Variants in SHISA6 observed in about 807,000 individuals in gnomAD.
SHISA6 encodes shisa family member 6.
In SHISA6, 22 loss-of-function variants were observed where a neutral mutation model predicts 47.9. The ratio of observed to expected loss-of-function variants is 0.46; its 90% confidence interval spans 0.33 to 0.66. The LOEUF (loss-of-function observed/expected upper bound fraction) is 0.66, where lower values mean the gene tolerates loss of function less well. Among genes scored for constraint, SHISA6 ranks in the 30% least tolerant of loss-of-function variants. SHISA6 has a pLI of 0.02. For synonymous variants in SHISA6, 388 were observed against 337.8 expected (o/e 1.15, Z -1.63); for missense variants, 680 against 764.6 (o/e 0.89, Z 1.30).
In SHISA6 at chr17:11,263,506, G is replaced by T. The variant is rs748761383; in HGVS notation, c.779G>T (p.Arg260Leu). 2 of 1,551,524 alleles carry T rather than the reference G, an allele frequency of 1.3e-6. No homozygotes were observed. ...SSSKNHYTPV[R>L]TAKQTPGHYG... ...TCCAAAAACCACTACACTCCTGTGC[G>T]TACGGCCAAGCAGACTCCAGGTAAG... The change falls in exon 2 of 6, where the codon CGT (arginine) becomes CTT (leucine). Residue 260 changes from arginine to leucine, a missense_variant. This residue lies in a region of SHISA6 where 559 missense variants were observed against 674.1 expected (regional missense o/e 0.83). Coordinates refer to ENST00000441885, the MANE Select transcript of SHISA6 (RefSeq NM_207386.4).
intron 3 of SHISA6, among the ~76,000 whole-genome samples, chr17:11,518,917 T>C (rs957182099): frequency 2.6e-5 from 4 of 152,186 alleles, no homozygotes; most frequent in South Asian, 2.1e-4. Context: ...ACTGAGGAAA[T>C]TGAAGCTGTC....
chr17:11,558,608 T>C lies in SHISA6; in HGVS notation c.*304T>C. 2.5e-6 allele frequency: 1 copy of C among 405,220 alleles called. No homozygotes were observed. The highest frequency in any genetic ancestry group is 3.7e-5 in the South Asian group (1 of 27,264). The allele number at this position is 405,220 out of a possible 1,614,324, so 25.1% of individuals were successfully genotyped here. On this transcript the variant is annotated 3_prime_UTR_variant, in exon 6 of 6. Coordinates refer to ENST00000441885, the MANE Select transcript of SHISA6 (RefSeq NM_207386.4). ...ACCACCTTCACCAACTCCCTTTCCG[T>C]CCCGCGCCTCCTTCTCCCCATCCGG...
At chr17:11,448,355 C>T (rs543302115) in intron 3 of SHISA6, among the ~76,000 whole-genome samples, 50 of 152,012 alleles carry the variant, frequency 3.3e-4, no homozygotes, top group African/African-American at 1.1e-3. Context: ...CATAGTGAGA[C>T]CCTGGCTCTA....
At chr17:11,472,348 C>T (rs1200102017) in intron 3 of SHISA6, among the ~76,000 whole-genome samples, 1 of 152,228 alleles carries the variant, frequency 6.6e-6, no homozygotes, top group Non-Finnish European at 1.5e-5. Context: ...AGGCTCATGC[C>T]ACCACACCTG....
At chr17:11,250,207 C>A (rs377061518) in intron 1 of SHISA6, among the ~76,000 whole-genome samples, 15 of 152,100 alleles carry the variant, frequency 9.9e-5, no homozygotes, top group African/African-American at 1.7e-4. Flanking sequence ...GTAAAAGGAC[C>A]CAGTTTTACG....
chr17:11,549,554 C>T (rs145523856), intron 3 of SHISA6, among the ~76,000 whole-genome samples: 12 of 152,228 alleles, frequency 7.9e-5, no homozygotes, highest in Admixed American at 2.0e-4. Flanking sequence ...ATTGTGAAGA[C>T]GAGTTTTTTT....
At chr17:11,305,470 C>T (rs922713054) in intron 2 of SHISA6, among the ~76,000 whole-genome samples, 6 of 152,154 alleles carry the variant, frequency 3.9e-5, no homozygotes, top group African/African-American at 1.2e-4. Flanking sequence ...GAGAAGGGCC[C>T]GAGTTCAGGT....
chr17:11,327,923 C>CTG (rs1301281210), intron 2 of SHISA6, among the ~76,000 whole-genome samples: 1 of 92,728 alleles, frequency 1.1e-5, no homozygotes, highest in Non-Finnish European at 2.2e-5. Flanking sequence ...CTCTCTCTGT[C>CTG]TCTCTCTCTC....
At chr17:11,309,474 A>C (rs1045584194) in intron 2 of SHISA6, among the ~76,000 whole-genome samples, 28 of 152,216 alleles carry the variant, frequency 1.8e-4, no homozygotes, top group African/African-American at 6.8e-4. Flanking sequence ...TTCTTTTGGA[A>C]GCAGGAAGAT....
intron 1 of SHISA6, among the ~76,000 whole-genome samples, chr17:11,257,678 A>G (rs957747762): frequency 7.3e-5 from 11 of 151,222 alleles, no homozygotes; most frequent in African/African-American, 9.8e-5. Flanking sequence ...AAAAAGAAAA[A>G]AAGAAAAGAA....
chr17:11,485,774 T>A lies in SHISA6; in HGVS notation c.896-66122T>A, dbSNP rs567547243. Reference sequence around the variant, plus strand: ...GCTTTGCCAGCACTTTTTTTTTTTTTTAAATCACTCCTTCTAAATGACTCT... The same window carrying A: ...GCTTTGCCAGCACTTTTTTTTTTTTATAAATCACTCCTTCTAAATGACTCT... On this transcript the variant is annotated intron_variant, in intron 3 of 5. Transcript: ENST00000441885. Among the ~76,000 whole-genome samples the A allele has an allele frequency of 3.4e-3, 477 of 139,078 alleles. 2 individuals are homozygous for A. The highest frequency in any genetic ancestry group is 0.012 in the African/African-American group (456 of 37,142). The allele number at this position is 139,078 out of a possible 152,430, so 91.2% of individuals were successfully genotyped here.
intron 2 of SHISA6, among the ~76,000 whole-genome samples, chr17:11,270,136 C>A (rs1174662983): frequency 1.3e-5 from 2 of 152,124 alleles, no homozygotes; most frequent in African/African-American, 4.8e-5. Context: ...TCACCACCCC[C>A]AGCTAATTTT....
chr17:11,287,886 G>A (rs1369434999), intron 2 of SHISA6, among the ~76,000 whole-genome samples: 1 of 152,088 alleles, frequency 6.6e-6, no homozygotes, highest in African/African-American at 2.4e-5. Flanking sequence ...GTTAGTAACA[G>A]CTTTTTCTTT....
intron 2 of SHISA6, among the ~76,000 whole-genome samples, chr17:11,278,906 G>A (rs1238906574): frequency 1.3e-5 from 2 of 152,210 alleles, no homozygotes; most frequent in African/African-American, 4.8e-5. Context: ...GGAAGGTGGA[G>A]CTGGGTGGCC....
intron 2 of SHISA6, among the ~76,000 whole-genome samples, chr17:11,294,945 T>C (rs1244787616): frequency 6.6e-6 from 1 of 152,198 alleles, no homozygotes; most frequent in Non-Finnish European, 1.5e-5. Context: ...TTTGGAACCA[T>C]TAAGAAGCAA....
chr17:11,449,943 G>A (rs923748565), intron 3 of SHISA6, among the ~76,000 whole-genome samples: 1 of 152,222 alleles, frequency 6.6e-6, no homozygotes, highest in Non-Finnish European at 1.5e-5. Flanking sequence ...GGAGTGCAGT[G>A]GCGCGATCTC....
At chr17:11,341,328 C>CTCTT (rs1555529428) in intron 2 of SHISA6, among the ~76,000 whole-genome samples, 4 of 88,826 alleles carry the variant, frequency 4.5e-5, no homozygotes, top group African/African-American at 1.3e-4. Context: ...CTCTCTCTCT[C>CTCTT]TTTTTTTTTT....
chr17:11,339,363 A>C (rs898671644), intron 2 of SHISA6, among the ~76,000 whole-genome samples: 5 of 152,190 alleles, frequency 3.3e-5, no homozygotes, highest in Non-Finnish European at 7.3e-5. Context: ...AAGATCTGAA[A>C]TAGTAATCTC....
chr17:11,441,834 C>T (rs945614559), intron 3 of SHISA6, among the ~76,000 whole-genome samples: 4 of 152,140 alleles, frequency 2.6e-5, no homozygotes, highest in African/African-American at 7.2e-5. Context: ...ACTGACCCAG[C>T]GCTGCGAACT....
Sources: allele counts gnomAD v4.1 joint callset (sites outside exome capture counted in the v4.1 genomes callset), GRCh38; gene constraint gnomAD v4.1.1; regional missense constraint gnomAD v4.1.1; transcripts MANE v1.5; gene names NCBI Gene and HGNC (gene_info 2026-07-23, HGNC 2026-07-21).